The following TAB2 variants were observed in gnomAD, a reference collection of about 807,000 sequenced individuals.
The protein encoded by TAB2 is TGF-beta-activated kinase 1 and MAP3K7-binding protein 2.
A neutral mutation model predicts 65.0 loss-of-function variants in TAB2; 3 were observed. The observed-to-expected ratio is 0.05, with a 90% confidence interval of 0.02 to 0.12. The LOEUF is 0.12. Among genes scored for constraint, TAB2 ranks in the 10% least tolerant of loss-of-function variants. The pLI is 1.00. For missense variants in TAB2, 623 were observed against 840.3 expected (o/e 0.74, Z 3.20); for synonymous variants, 298 against 285.1 (o/e 1.05, Z -0.46).
At position 149,308,504 on chromosome 6, in the gene TAB2, AT is replaced by A. The variant is rs906259450; in HGVS notation, c.-120-69511del. 5.0e-5 allele frequency among the ~76,000 whole-genome samples: 6 copies of A among 120,210 alleles called. No homozygotes were observed. The East Asian group carries it at 1.0e-3, about 21-fold the overall frequency. The allele number at this position is 120,210 out of a possible 152,430, so 78.9% of individuals were successfully genotyped here. A position where few individuals can be genotyped will look rare whatever the true frequency, so the allele number is the denominator to read the frequency against. On this transcript the variant is annotated intron_variant, in intron 1 of 1. Transcript: ENST00000606202. ...TAACCATTAGTGATATTTTCTATTT[AT>A]TTATTTATTTATTTACTTATTTATT... is the stretch of plus-strand genomic sequence containing the variant.
intron 1 of TAB2, among the ~76,000 whole-genome samples, chr6:149,308,183 T>C (rs1779102037): frequency 6.6e-6 from 1 of 152,220 alleles, no homozygotes; most frequent in South Asian, 2.1e-4. Flanking sequence ...AAGCATCCTT[T>C]GACACACATC....
At chr6:149,303,641 A>G (rs1193717459) in intron 1 of TAB2, among the ~76,000 whole-genome samples, 2 of 152,202 alleles carry the variant, frequency 1.3e-5, no homozygotes, top group Non-Finnish European at 2.9e-5. Context: ...ATAAATATGT[A>G]CTATTGTGCA....
intron 1 of TAB2, among the ~76,000 whole-genome samples, chr6:149,297,567 C>G (rs1170608030): frequency 6.6e-6 from 1 of 152,134 alleles, no homozygotes; most frequent in Admixed American, 6.5e-5. Flanking sequence ...GCTCTATTGA[C>G]CAACCTAAGT....
intron 1 of TAB2, among the ~76,000 whole-genome samples, chr6:149,368,817 A>G (rs551218812): frequency 2.6e-5 from 4 of 152,278 alleles, no homozygotes; most frequent in Non-Finnish European, 5.9e-5. Flanking sequence ...ATGATAAAAA[A>G]CTAAAAGGCT....
chr6:149,243,950 C>CT (rs1777650434), intron 1 of TAB2: 1 of 152,204 alleles, frequency 6.6e-6, no homozygotes, highest in Non-Finnish European at 1.5e-5. Flanking sequence ...TAGATTATCC[C>CT]ATCCAGTGTG....
chr6:149,236,124 A>G lies in TAB2; in HGVS notation c.-121+17348A>G, dbSNP rs530021877. Among the ~76,000 whole-genome samples the G allele has an allele frequency of 2.0e-5, 3 of 152,268 alleles. No homozygotes were observed. The South Asian group carries it at 6.2e-4, about 32-fold the overall frequency. ...GGAGGTGAGGGTTGAAAAATTACCT[A>G]TTGGGGACAGTGCTCACTATTTGGG... On this transcript the variant is annotated intron_variant, in intron 1 of 1. Coordinates refer to the TAB2 transcript ENST00000606202.
chr6:149,379,463 A>G lies in TAB2; in HGVS notation c.1548A>G (p.Arg516=). ...LTDPTLAHVD[R]ISETRKLSMG... ...ACCCTACATTAGCACATGTGGATAGAATAAGTGAAACACGGAAACTGAGTA... is the reference window on the plus strand; with the variant it reads ...ACCCTACATTAGCACATGTGGATAGGATAAGTGAAACACGGAAACTGAGTA... The change falls in exon 3 of 7, where the codon AGA becomes AGG. Residue 516 remains arginine, a synonymous_variant. Transcript: ENST00000637181. The G allele has an allele frequency of 6.2e-7, 1 of 1,614,186 alleles. No homozygotes were observed. The highest frequency in any genetic ancestry group is 1.1e-5 in the South Asian group (1 of 91,084).
chr6:149,261,768 C>T (rs537208865), intron 1 of TAB2, among the ~76,000 whole-genome samples: 1 of 152,238 alleles, frequency 6.6e-6, no homozygotes, highest in Non-Finnish European at 1.5e-5. Context: ...TTAAGCTGAT[C>T]CAGCTGAGAC....
intron 1 of TAB2, chr6:149,220,773 T>C (rs1300780950): frequency 6.6e-6 from 1 of 152,184 alleles, no homozygotes; most frequent in Non-Finnish European, 1.5e-5. Flanking sequence ...CACACCACCA[T>C]GCCCGGCTAA....
At chr6:149,392,630 T>G (rs1243294152) in intron 3 of TAB2, among the ~76,000 whole-genome samples, 1 of 152,206 alleles carries the variant, frequency 6.6e-6, no homozygotes, top group Non-Finnish European at 1.5e-5. Context: ...ACTTCAGCTT[T>G]CTCCACTCCT....
At position 149,329,668 on chromosome 6, in the gene TAB2, G is replaced by A. The variant is rs915198922; in HGVS notation, c.-90+11653G>A. On this transcript the variant is annotated intron_variant, in intron 1 of 6. Coordinates refer to ENST00000637181, the MANE Select transcript of TAB2 (RefSeq NM_001292034.3). Reference sequence around the variant, plus strand: ...GGAAGGCCAATATAATTGGAGCTGGGGGGGGCGGGGTTGGGGGGTGGAAGT... The same window carrying A: ...GGAAGGCCAATATAATTGGAGCTGGAGGGGGCGGGGTTGGGGGGTGGAAGT... Among the ~76,000 whole-genome samples, 25 of 149,414 alleles carry A rather than the reference G, an allele frequency of 1.7e-4. 2 individuals are homozygous for A. The highest frequency in any genetic ancestry group is 1.2e-3 in the Admixed American group (18 of 15,042).
chr6:149,260,695 G>A (rs1778135520), intron 1 of TAB2, among the ~76,000 whole-genome samples: 1 of 152,204 alleles, frequency 6.6e-6, no homozygotes, highest in Non-Finnish European at 1.5e-5. Flanking sequence ...GCTGGAGGGT[G>A]GCGTGGTATT....
intron 1 of TAB2, among the ~76,000 whole-genome samples, chr6:149,251,146 C>T (rs1777852416): frequency 6.6e-6 from 1 of 152,222 alleles, no homozygotes; most frequent in South Asian, 2.1e-4. Flanking sequence ...CCTGGAGATG[C>T]AGTACCATAA....
chr6:149,245,301 T>C (rs1461009215), intron 1 of TAB2: 1 of 152,166 alleles, frequency 6.6e-6, no homozygotes, highest in African/African-American at 2.4e-5. Context: ...CCTGGGCACA[T>C]GTAGTGGTGA....
intron 1 of TAB2, among the ~76,000 whole-genome samples, chr6:149,341,161 A>G (rs1780111624): frequency 6.6e-6 from 1 of 152,112 alleles, no homozygotes; most frequent in African/African-American, 2.4e-5. Flanking sequence ...AGTATTTTAT[A>G]CTTTACTTGG....
At chr6:149,334,125 G>T (rs79189596) in intron 1 of TAB2, among the ~76,000 whole-genome samples, 1 of 152,070 alleles carries the variant, frequency 6.6e-6, no homozygotes, top group Non-Finnish European at 1.5e-5. Flanking sequence ...AATCATTTTT[G>T]TTATAACTCT....
intron 1 of TAB2, among the ~76,000 whole-genome samples, chr6:149,275,438 C>G (rs963964264): frequency 6.6e-6 from 1 of 152,094 alleles, no homozygotes; most frequent in African/African-American, 2.4e-5. Flanking sequence ...AATGATAACT[C>G]AATATCCTTG....
At chr6:149,290,106 TG>T (rs1219048004) in intron 1 of TAB2, among the ~76,000 whole-genome samples, 3 of 152,218 alleles carry the variant, frequency 2.0e-5, no homozygotes, top group African/African-American at 7.2e-5. Flanking sequence ...AAAAAGAGCC[TG>T]TTCTGTCAGT....
chr6:149,220,436 C>T (rs1193907414), intron 1 of TAB2, among the ~76,000 whole-genome samples: 1 of 152,140 alleles, frequency 6.6e-6, no homozygotes, highest in South Asian at 2.1e-4. Flanking sequence ...GATTACGGGA[C>T]ACCATGCGTT....
Sources: allele counts gnomAD v4.1 joint callset (sites outside exome capture counted in the v4.1 genomes callset), GRCh38; gene constraint gnomAD v4.1.1; transcripts MANE v1.5; gene names NCBI Gene and HGNC (gene_info 2026-07-23, HGNC 2026-07-21).